Variants in DHRS9 observed in about 807,000 individuals in gnomAD.
DHRS9 encodes dehydrogenase/reductase 9.
In DHRS9, 18 loss-of-function variants were observed where a neutral mutation model predicts 26.6. The observed-to-expected ratio is 0.68, with a 90% CI of 0.47 to 1.00. The LOEUF (loss-of-function observed/expected upper bound fraction) is 1.00. DHRS9 is among the 50% of genes least tolerant of loss of function. DHRS9 has a pLI of 0.00. For synonymous variants in DHRS9, 134 were observed against 141.1 expected, an observed-to-expected ratio of 0.95 and a Z score of 0.36; for missense variants, 425 against 378.7, an observed-to-expected ratio of 1.12 and a Z score of -1.01.
upstream of DHRS9, among the ~76,000 whole-genome samples, chr2:169,069,263 T>A (rs986366480): frequency 1.3e-5 from 2 of 152,172 alleles, no homozygotes; most frequent in African/African-American, 4.8e-5. Flanking sequence ...TAATCACAAT[T>A]TGAAAACTAT....
At chr2:169,083,060 T>A (rs1341613382) in intron 2 of DHRS9, among the ~76,000 whole-genome samples, 4 of 152,152 alleles carry the variant, frequency 2.6e-5, no homozygotes, top group Non-Finnish European at 5.9e-5. Context: ...ACTCTACATC[T>A]GAGATTAAAA....
chr2:169,083,593 T>A lies in DHRS9; in HGVS notation c.572+6T>A. ...GGTTTCAATGACAGCTTAAGGTAAATCAAATTAATCAACTTATTAGGAAAC... is the reference window on the plus strand; with the variant it reads ...GGTTTCAATGACAGCTTAAGGTAAAACAAATTAATCAACTTATTAGGAAAC... On this transcript the variant is annotated splice_donor_region_variant and intron_variant, in intron 3 of 4. Coordinates refer to ENST00000674881, the MANE Select transcript of DHRS9 (RefSeq NM_001376924.1). The A allele has an allele frequency of 6.2e-7, 1 of 1,612,028 alleles. No homozygotes were observed. Among genetic ancestry groups the A allele is most frequent in the Non-Finnish European group, 8.5e-7 (1 of 1,178,538 alleles).
intron 1 of DHRS9, among the ~76,000 whole-genome samples, chr2:169,079,918 GGGGAGAGAGAGAGAGAGAGAGA>G (rs1684103383): frequency 1.1e-4 from 3 of 28,062 alleles, no homozygotes; most frequent in African/African-American, 6.3e-4. Context: ...AGGGAGGGAG[GGGGAGAGAGAGAGAGAGAGAGA>G]GAGAGAGAGA....
At position 169,089,355 on chromosome 2, in the gene DHRS9, A is replaced by C. The variant is rs1684449467; in HGVS notation, c.573-2435A>C. On this transcript the variant is annotated intron_variant, in intron 3 of 4. Coordinates refer to ENST00000674881, the MANE Select transcript of DHRS9 (RefSeq NM_001376924.1). ...CCCCTCACCTCTTTCCTGATCCCCC[A>C]CTGGCACTTTCAATAGACTGAACTC... 1.3e-5 allele frequency among the ~76,000 whole-genome samples: 2 copies of C among 152,140 alleles called. 1 individual carries two copies. Among genetic ancestry groups the C allele is most frequent in the Non-Finnish European group, 2.9e-5 (2 of 68,030 alleles).
At chr2:169,093,002 A>G (rs1684581512) in intron 4 of DHRS9, among the ~76,000 whole-genome samples, 1 of 152,170 alleles carries the variant, frequency 6.6e-6, no homozygotes, top group South Asian at 2.1e-4. Context: ...CCATGGCACT[A>G]TAATGTGAAC....
chr2:169,072,621 AGC>A, intron 1 of DHRS9: 4 of 985,480 alleles, frequency 4.1e-6, no homozygotes, highest in Non-Finnish European at 4.8e-6. Context: ...GATCAAGGAG[AGC>A]GCTCGAGTTG....
chr2:169,070,674 A>G (rs1226497561), intron 1 of DHRS9: 10 of 983,308 alleles, frequency 1.0e-5, no homozygotes, highest in African/African-American at 1.7e-5. Flanking sequence ...AAGTACACAC[A>G]AAAAAATCAT....
At chr2:169,079,604 C>T (rs200285550) in intron 1 of DHRS9, among the ~76,000 whole-genome samples, 1 of 151,404 alleles carries the variant, frequency 6.6e-6, no homozygotes, top group African/African-American at 2.4e-5. Flanking sequence ...CTGTAATCCC[C>T]GCACTTTGGG....
At chr2:169,078,035 A>G (rs1041937719) in intron 1 of DHRS9, among the ~76,000 whole-genome samples, 2 of 152,222 alleles carry the variant, frequency 1.3e-5, no homozygotes, top group African/African-American at 4.8e-5. Flanking sequence ...CAGCTTGGAC[A>G]CTTCTCAGCC....
rs570461913 is a variant in DHRS9 at position 169,095,570 on chromosome 2, T to C, written c.763T>C (p.Ser255Pro). 2 of 1,613,780 alleles carry C rather than the reference T, an allele frequency of 1.2e-6. No individual in the cohort carries two copies. The highest frequency in any genetic ancestry group is 4.5e-5 in the East Asian group (2 of 44,874). The change falls in exon 5 of 5, where the codon TCC (serine) becomes CCC (proline). Residue 255 changes from serine to proline, a missense_variant. By Grantham distance (74) the Ser-to-Pro change is moderately conservative (BLOSUM62 -1). Coordinates refer to ENST00000674881, the MANE Select transcript of DHRS9 (RefSeq NM_001376924.1). ...KSLDKLKGNK[S>P]YVNMDLSPVV... Reference sequence around the variant, plus strand: ...TCTAGACAAACTGAAAGGCAATAAATCCTATGTGAACATGGACCTCTCTCC... The same window carrying C: ...TCTAGACAAACTGAAAGGCAATAAACCCTATGTGAACATGGACCTCTCTCC...
chr2:169,079,336 TA>T (rs1684070882), intron 1 of DHRS9, among the ~76,000 whole-genome samples: 1 of 152,100 alleles, frequency 6.6e-6, no homozygotes, highest in Admixed American at 6.5e-5. Flanking sequence ...GTGTGGTGTT[TA>T]AAATTCTGTG....
At chr2:169,095,464 C>A in intron 4 of DHRS9, 80 bp from the exon 5 acceptor site, 1 of 1,079,082 alleles carries the variant, frequency 9.3e-7, no homozygotes, top group Non-Finnish European at 1.4e-6. Context: ...CCCTTGTATC[C>A]ATCCTCCCCT....
At chr2:169,093,871 C>A (rs896529982) in intron 4 of DHRS9, among the ~76,000 whole-genome samples, 1 of 152,152 alleles carries the variant, frequency 6.6e-6, no homozygotes, top group African/African-American at 2.4e-5. Flanking sequence ...CTTTGAACAA[C>A]TTGTGGCCAG....
intron 1 of DHRS9, among the ~76,000 whole-genome samples, chr2:169,075,998 G>A (rs892590598): frequency 2.0e-5 from 3 of 152,092 alleles, no homozygotes; most frequent in African/African-American, 7.2e-5. Flanking sequence ...GTCTGTCATC[G>A]GAATTTGACC....
At chr2:169,081,950 C>A in intron 2 of DHRS9, 56 bp downstream of exon 2, 1 of 1,495,338 alleles carries the variant, frequency 6.7e-7, no homozygotes, top group South Asian at 1.3e-5. Context: ...GGGAGGTAAC[C>A]AAAGCTAAAT....
chr2:169,077,281 C>T (rs1005945057), intron 1 of DHRS9, among the ~76,000 whole-genome samples: 3 of 152,140 alleles, frequency 2.0e-5, no homozygotes, highest in Admixed American at 6.5e-5. Flanking sequence ...ATGACTGTCA[C>T]TACTACAGCT....
Position 169,096,167 on chromosome 2 carries a change from T to G in DHRS9, c.*400T>G, listed in dbSNP as rs1311701092. ...AAATATTAAAAGATAAGTCAAACAT[T>G]TTCATGAGTGGATAGACATGTTCTG... On this transcript the variant is annotated 3_prime_UTR_variant, in exon 5 of 5. Transcript: ENST00000674881. 9.2e-6 allele frequency: 2 copies of G among 218,026 alleles called. No homozygotes were observed. Among genetic ancestry groups the G allele is most frequent in the Non-Finnish European group, 1.9e-5 (2 of 107,600 alleles). 13.5% of individuals were successfully genotyped at this position (218,026 alleles called of 1,614,324 possible). A position where few individuals can be genotyped will look rare whatever the true frequency, so the allele number is the denominator to read the frequency against.
At chr2:169,074,492 T>C (rs968582936) in intron 1 of DHRS9, 2 of 980,700 alleles carry the variant, frequency 2.0e-6, no homozygotes, top group African/African-American at 1.8e-5. Context: ...TTCTGAATTG[T>C]TGGGACCAAG....
At position 169,095,842 on chromosome 2, in the gene DHRS9, A is replaced by G. The variant is rs1424797382; in HGVS notation, c.*75A>G. On this transcript the variant is annotated 3_prime_UTR_variant, in exon 5 of 5. Coordinates refer to ENST00000674881, the MANE Select transcript of DHRS9 (RefSeq NM_001376924.1). Reference sequence around the variant, plus strand: ...AAGAACACATCTCCTTTTCAACCCCATTCCTTATCTGCTCCAACCTGGACT... The same window carrying G: ...AAGAACACATCTCCTTTTCAACCCCGTTCCTTATCTGCTCCAACCTGGACT... 6.0e-6 allele frequency: 8 copies of G among 1,327,392 alleles called. No homozygotes were observed. Among genetic ancestry groups the G allele is most frequent in the Non-Finnish European group, 8.6e-6 (8 of 934,980 alleles). 82.2% of individuals were successfully genotyped at this position (1,327,392 alleles called of 1,614,324 possible).
Sources: gnomAD v4.1 joint callset for allele counts (sites outside exome capture counted in the v4.1 genomes callset) on GRCh38, gnomAD v4.1.1 for gene constraint, MANE v1.5 for transcripts, NCBI Gene and HGNC (gene_info 2026-07-23, HGNC 2026-07-21) for gene names.